Variants in COL26A1 observed in about 807,000 individuals in gnomAD.
The protein encoded by COL26A1 is collagen alpha-1(XXVI) chain.
Under a neutral mutation model 59.3 loss-of-function variants are expected in COL26A1, and 41 were observed. The ratio of observed to expected loss-of-function variants is 0.69; its 90% CI spans 0.54 to 0.90. The LOEUF (loss-of-function observed/expected upper bound fraction) is 0.90. COL26A1 is among the 40% of genes least tolerant of loss of function. COL26A1 has a pLI of 0.00. For synonymous variants in COL26A1, 266 were observed against 256.0 expected, an observed-to-expected ratio of 1.04 and a Z score of -0.37; for missense variants, 612 against 602.3, an observed-to-expected ratio of 1.02 and a Z score of -0.17.
chr7:101,410,686 GGTGTGTGT>G (rs3072481), intron 1 of COL26A1, among the ~76,000 whole-genome samples: 2 of 149,604 alleles, frequency 1.3e-5, no homozygotes, highest in Admixed American at 1.3e-4. Flanking sequence ...GGCTAATTTT[GGTGTGTGT>G]GTGTGTGTGT....
At chr7:101,405,463 T>C (rs542484448) in intron 1 of COL26A1, among the ~76,000 whole-genome samples, 5 of 152,066 alleles carry the variant, frequency 3.3e-5, no homozygotes, top group South Asian at 4.2e-4. Flanking sequence ...GCTCCCCAAA[T>C]TGGACTACAG....
intron 3 of COL26A1, among the ~76,000 whole-genome samples, chr7:101,454,236 T>C (rs931177342): frequency 1.1e-4 from 16 of 151,684 alleles, no homozygotes; most frequent in Non-Finnish European, 1.5e-5. Context: ...TGTCCTGTTC[T>C]TTTCTTTTTT....
At chr7:101,461,384 C>T (rs1001221727) in intron 3 of COL26A1, among the ~76,000 whole-genome samples, 6 of 151,618 alleles carry the variant, frequency 4.0e-5, no homozygotes, top group Non-Finnish European at 7.4e-5. Flanking sequence ...CTGCAACCTC[C>T]GCCTCCCGGG....
At chr7:101,451,728 G>A (rs771860956) in intron 3 of COL26A1, among the ~76,000 whole-genome samples, 26 of 139,742 alleles carry the variant, frequency 1.9e-4, no homozygotes, top group Non-Finnish European at 3.3e-4. Context: ...TTTTTTTGAC[G>A]GAGTCTCGCT....
intron 3 of COL26A1, among the ~76,000 whole-genome samples, chr7:101,482,614 C>A (rs747225778): frequency 6.6e-6 from 1 of 152,168 alleles, no homozygotes; most frequent in Non-Finnish European, 1.5e-5. Context: ...GTTAGCCCAG[C>A]ACAAGTTCCT....
chr7:101,555,954 G>A, intron 12 of COL26A1, 83 bp downstream of exon 12: 1 of 1,225,572 alleles, frequency 8.2e-7, no homozygotes. Flanking sequence ...CTGCTGCCTA[G>A]GGTCTCTGGT....
At chr7:101,505,214 C>T (rs1794782550) in intron 3 of COL26A1, among the ~76,000 whole-genome samples, 1 of 151,332 alleles carries the variant, frequency 6.6e-6, no homozygotes, top group African/African-American at 2.4e-5. Context: ...TGTGAGCACT[C>T]TCTGTGATTG....
intron 3 of COL26A1, among the ~76,000 whole-genome samples, chr7:101,515,518 A>C (rs1405033671): frequency 1.3e-5 from 2 of 151,300 alleles, no homozygotes; most frequent in African/African-American, 2.4e-5. Flanking sequence ...TGCTGGCTTC[A>C]AGTGATCTGC....
At chr7:101,408,485 T>C (rs1792177531) in intron 1 of COL26A1, among the ~76,000 whole-genome samples, 1 of 152,178 alleles carries the variant, frequency 6.6e-6, no homozygotes, top group Non-Finnish European at 1.5e-5. Context: ...TTCCTGTAGC[T>C]GGGGCTAAAA....
chr7:101,491,214 G>A (rs1372695621), intron 3 of COL26A1, among the ~76,000 whole-genome samples: 1 of 152,082 alleles, frequency 6.6e-6, no homozygotes, highest in Non-Finnish European at 1.5e-5. Flanking sequence ...ACTAGATCAC[G>A]AGAGCTGGTT....
At chr7:101,545,017 T>G (rs1795700979) in intron 6 of COL26A1, among the ~76,000 whole-genome samples, 2 of 152,134 alleles carry the variant, frequency 1.3e-5, no homozygotes, top group Admixed American at 1.3e-4. Flanking sequence ...TTATACTTGG[T>G]GTTCCTGCCA....
At chr7:101,465,086 G>A (rs563502225) in intron 3 of COL26A1, among the ~76,000 whole-genome samples, 1 of 145,832 alleles carries the variant, frequency 6.9e-6, no homozygotes, top group South Asian at 2.2e-4. Context: ...TGCCCAGGCT[G>A]GAATGTGGTA....
chr7:101,494,815 A>G (rs1794546431), intron 3 of COL26A1, among the ~76,000 whole-genome samples: 1 of 152,186 alleles, frequency 6.6e-6, no homozygotes, highest in Non-Finnish European at 1.5e-5. Context: ...TCCCGGCGCC[A>G]TGGCTGGGAG....
chr7:101,399,567 T>G (rs570161704), intron 1 of COL26A1, among the ~76,000 whole-genome samples: 15 of 152,216 alleles, frequency 9.9e-5, no homozygotes, highest in African/African-American at 3.6e-4. Flanking sequence ...CAGGTGATCC[T>G]CCTGCCTCGG....
chr7:101,403,247 G>A (rs527778504), intron 1 of COL26A1, among the ~76,000 whole-genome samples: 1 of 152,232 alleles, frequency 6.6e-6, no homozygotes, highest in East Asian at 1.9e-4. Context: ...GATGCTTGTG[G>A]GACAGTTGCT....
At chr7:101,391,013 C>T (rs947111674) in intron 1 of COL26A1, among the ~76,000 whole-genome samples, 1 of 152,214 alleles carries the variant, frequency 6.6e-6, no homozygotes. Flanking sequence ...CTGGCCTGAC[C>T]TGCTAACCAA....
chr7:101,391,494 G>T (rs1791727400), intron 1 of COL26A1, among the ~76,000 whole-genome samples: 1 of 152,112 alleles, frequency 6.6e-6, no homozygotes, highest in Non-Finnish European at 1.5e-5. Flanking sequence ...TTCTCATTTA[G>T]TCCTTCTAGG....
chr7:101,423,514 C>T (rs1792573690), intron 2 of COL26A1, among the ~76,000 whole-genome samples: 1 of 152,122 alleles, frequency 6.6e-6, no homozygotes, highest in African/African-American at 2.4e-5. Context: ...GTGGGTGGAT[C>T]ACACGGTCAG....
chr7:101,534,913 G>A (rs529728925), intron 4 of COL26A1, among the ~76,000 whole-genome samples: 1 of 152,314 alleles, frequency 6.6e-6, no homozygotes, highest in Admixed American at 6.5e-5. Flanking sequence ...AGTGGGAACC[G>A]GCTTTGGAAA....
Sources: allele counts gnomAD v4.1 joint callset (sites outside exome capture counted in the v4.1 genomes callset), GRCh38; gene constraint gnomAD v4.1.1; transcripts MANE v1.5; gene names NCBI Gene and HGNC (gene_info 2026-07-23, HGNC 2026-07-21).